Variants in RIMKLA observed in about 807,000 individuals in gnomAD.
RIMKLA encodes ribosomal modification protein rimK like family member A.
In RIMKLA, 14 loss-of-function variants were observed where a neutral mutation model predicts 32.7. That is an observed-to-expected ratio of 0.43 (90% CI 0.28 to 0.67). The LOEUF (loss-of-function observed/expected upper bound fraction) is 0.67. Among genes scored for constraint, RIMKLA ranks in the 30% least tolerant of loss-of-function variants. The probability of loss-of-function intolerance (pLI) is 0.18; values close to 1 mark genes in which losing one functional copy is unlikely to be tolerated. For missense variants in RIMKLA, 410 were observed against 519.0 expected (o/e 0.79, Z 2.04); for synonymous variants, 176 against 204.1 (o/e 0.86, Z 1.18).
At chr1:42,394,517 C>T (rs556982230) in intron 1 of RIMKLA, among the ~76,000 whole-genome samples, 7 of 152,148 alleles carry the variant, frequency 4.6e-5, no homozygotes, top group Non-Finnish European at 7.4e-5. Flanking sequence ...TAACCTAAAA[C>T]GCAATAGAGG....
chr1:42,390,804 T>C (rs555772689), intron 1 of RIMKLA, among the ~76,000 whole-genome samples: 91 of 152,294 alleles, frequency 6.0e-4, no homozygotes, highest in Middle Eastern at 3.4e-3. Context: ...GGTTTGTGTA[T>C]TTTCCCTAGG....
intron 1 of RIMKLA, among the ~76,000 whole-genome samples, chr1:42,389,174 A>T (rs116331602): frequency 1.2e-3 from 185 of 152,354 alleles, no homozygotes; most frequent in African/African-American, 4.3e-3. Flanking sequence ...GAAGACAGGT[A>T]TAAGTTTGGG....
At position 42,420,392 on chromosome 1, in the gene RIMKLA, C is replaced by T. The variant is rs1200130508; in HGVS notation, c.*5418C>T. On this transcript the variant is annotated 3_prime_UTR_variant, in exon 5 of 5. Transcript: ENST00000431473. ...TGCTACAACAGTGCAGACTCGGCAC[C>T]CCATTTATAGAATGTTCTTTTTATA... 1 of 152,164 alleles carries T rather than the reference C, an allele frequency of 6.6e-6. No homozygotes were observed. Among genetic ancestry groups the T allele is most frequent in the East Asian group, 1.9e-4 (1 of 5,200 alleles). 9.4% of individuals were successfully genotyped at this position (152,164 alleles called of 1,614,324 possible).
chr1:42,384,080 T>C (rs1284428691), intron 1 of RIMKLA, among the ~76,000 whole-genome samples: 1 of 152,198 alleles, frequency 6.6e-6, no homozygotes, highest in Non-Finnish European at 1.5e-5. Context: ...AGTGCCTCAG[T>C]CTATTGCTTA....
intron 4 of RIMKLA, chr1:42,412,501 C>T (rs536495697): frequency 1.3e-4 from 55 of 421,266 alleles, no homozygotes; most frequent in Non-Finnish European, 2.3e-4. Flanking sequence ...TACAGTGAAA[C>T]CAAACTGATG....
At position 42,380,831 on chromosome 1, in the gene RIMKLA, C is replaced by A; in HGVS notation, c.-104C>A. 1.6e-6 allele frequency: 1 copy of A among 636,112 alleles called. No individual in the cohort carries two copies. Among genetic ancestry groups the A allele is most frequent in the Non-Finnish European group, 2.0e-6 (1 of 489,564 alleles). 39.4% of individuals were successfully genotyped at this position (636,112 alleles called of 1,614,324 possible). ...CGCACCCGCGGGAGCGGAGCCGTGG[C>A]GCGCTCGCCCCGGACGCCGGCCGCC... On this transcript the variant is annotated 5_prime_UTR_variant, in exon 1 of 5. Transcript: ENST00000431473.
rs1196170921 is a variant in RIMKLA, at chr1:42,399,570, C to T, written c.330C>T (p.Asn110=). 6.2e-7 allele frequency: 1 copy of T among 1,613,328 alleles called. No homozygotes were observed. The highest frequency in any genetic ancestry group is 1.3e-5 in the African/African-American group (1 of 74,924). Residue 110 remains asparagine (N), a synonymous_variant, in exon 2 of 5, where the codon AAC becomes AAT. Transcript: ENST00000431473. ...NRPQSILNCI[N]KFWTFQELAG... ...CACAGAGCATCTTAAATTGCATCAA[C>T]AAATTCTGGACGTTCCAAGAACTGG... is the stretch of plus-strand genomic sequence containing the variant.
At position 42,422,316 on chromosome 1, in the gene RIMKLA, T is replaced by C. The variant is rs756692044; in HGVS notation, c.*7342T>C. On this transcript the variant is annotated 3_prime_UTR_variant, in exon 5 of 5. Transcript: ENST00000431473. ...GATGTTTACTTTGCTACTAAACTTA[T>C]TGGAGTGATTTGTAAAGTTCACTGT... is the stretch of plus-strand genomic sequence containing the variant. 5.3e-5 allele frequency: 8 copies of C among 152,370 alleles called. No homozygotes were observed. The highest frequency in any genetic ancestry group is 1.9e-4 in the African/African-American group (8 of 41,594). The allele number at this position is 152,370 out of a possible 1,614,324, so 9.4% of individuals were successfully genotyped here. A position where few individuals can be genotyped will look rare whatever the true frequency, so the allele number is the denominator to read the frequency against.
At chr1:42,412,829 C>T (rs1467153299) in intron 4 of RIMKLA, 2 of 257,138 alleles carry the variant, frequency 7.8e-6, no homozygotes, top group Non-Finnish European at 1.5e-5. Context: ...AAGGAGCCAT[C>T]TCTCTTCTTA....
At chr1:42,413,790 T>TGGCATGATCATGGCTCACTGTA (rs1553177588) in intron 4 of RIMKLA, among the ~76,000 whole-genome samples, 1 of 149,596 alleles carries the variant, frequency 6.7e-6, no homozygotes, top group Non-Finnish European at 1.5e-5. Context: ...TGGCGTGGAG[T>TGGCATGATCATGGCTCACTGTA]GGCATGATCA....
At position 42,417,355 on chromosome 1, in the gene RIMKLA, C is replaced by T. The variant is rs1274734949; in HGVS notation, c.*2381C>T. 6.6e-6 allele frequency: 1 copy of T among 152,268 alleles called. No homozygotes were observed. Among genetic ancestry groups the T allele is most frequent in the Non-Finnish European group, 1.5e-5 (1 of 68,092 alleles). The allele number at this position is 152,268 out of a possible 1,614,324, so 9.4% of individuals were successfully genotyped here. A position where few individuals can be genotyped will look rare whatever the true frequency, so the allele number is the denominator to read the frequency against. On this transcript the variant is annotated 3_prime_UTR_variant, in exon 5 of 5. Coordinates refer to ENST00000431473, the MANE Select transcript of RIMKLA (RefSeq NM_173642.4). ...CACAACCAGCCCCAATCCAGGATTTCCCATACCATGCTGGCTGTGGGCTCT... is the reference window on the plus strand; with the variant it reads ...CACAACCAGCCCCAATCCAGGATTTTCCATACCATGCTGGCTGTGGGCTCT...
intron 1 of RIMKLA, among the ~76,000 whole-genome samples, chr1:42,394,091 C>T (rs1394673499): frequency 6.6e-6 from 1 of 152,172 alleles, no homozygotes; most frequent in Non-Finnish European, 1.5e-5. Flanking sequence ...GGCCTATTCA[C>T]GTTATTTATA....
At chr1:42,401,272 G>T (rs1004252732) in intron 2 of RIMKLA, among the ~76,000 whole-genome samples, 1 of 152,160 alleles carries the variant, frequency 6.6e-6, no homozygotes, top group Non-Finnish European at 1.5e-5. Context: ...CTGATGTGCC[G>T]CCCGGTTCCT....
rs893692844 is a variant in RIMKLA at position 42,424,060 on chromosome 1, G to A, written c.*9086G>A. Among the ~76,000 whole-genome samples, 21 of 152,278 alleles carry A rather than the reference G, an allele frequency of 1.4e-4. No individual in the cohort carries two copies. The highest frequency in any genetic ancestry group is 3.4e-3 in the Middle Eastern group (1 of 294). On this transcript the variant is annotated 3_prime_UTR_variant, in exon 5 of 5. Transcript: ENST00000431473. ...GGCAGCTGAGCACACTGCCTGCCCA[G>A]GGATTTTCTTCTGCTCTAAAGGACA...
At chr1:42,409,879 C>T in intron 3 of RIMKLA, 105 bp from the exon 4 acceptor site, 1 of 855,798 alleles carries the variant, frequency 1.2e-6, no homozygotes, top group Non-Finnish European at 1.9e-6. Context: ...CAAAGTGAGG[C>T]AAGTTTAGAA....
intron 1 of RIMKLA, among the ~76,000 whole-genome samples, chr1:42,395,978 C>T (rs1291155523): frequency 1.3e-5 from 2 of 152,114 alleles, no homozygotes; most frequent in African/African-American, 4.8e-5. Flanking sequence ...CGGTGGCTCA[C>T]GCCTGTAATC....
intron 1 of RIMKLA, among the ~76,000 whole-genome samples, chr1:42,382,444 CTTAT>C (rs2148380864): frequency 6.6e-6 from 1 of 152,230 alleles, no homozygotes; most frequent in Non-Finnish European, 1.5e-5. Context: ...TCTCGGGATT[CTTAT>C]TTATAGAAAC....
chr1:42,412,429 G>C, intron 4 of RIMKLA: 1 of 289,654 alleles, frequency 3.5e-6, no homozygotes, highest in Admixed American at 4.2e-5. Context: ...TTTCCCACCT[G>C]TGTATTTTCA....
In RIMKLA at chr1:42,410,137, C is replaced by T; in HGVS notation, c.635C>T (p.Ser212Phe). 1 of 1,614,158 alleles carries T rather than the reference C, an allele frequency of 6.2e-7. No homozygotes were observed. Among genetic ancestry groups the T allele is most frequent in the Non-Finnish European group, 8.5e-7 (1 of 1,180,034 alleles). ...VVVVGGQVIGSMLRCSTDGRM... is the reference protein window; with the variant it reads ...VVVVGGQVIGFMLRCSTDGRM... ...GTGGTAGGGGGCCAGGTCATAGGCT[C>T]TATGCTTCGCTGCTCCACTGATGGA... Residue 212 changes from serine (S) to phenylalanine (F), a missense_variant, in exon 4 of 5, where the codon TCT becomes TTT. By Grantham distance (155) the Ser-to-Phe change is radical. Transcript: ENST00000431473.
Sources: allele counts gnomAD v4.1 joint callset (sites outside exome capture counted in the v4.1 genomes callset), GRCh38; gene constraint gnomAD v4.1.1; transcripts MANE v1.5; gene names NCBI Gene and HGNC (gene_info 2026-07-23, HGNC 2026-07-21).